DMD: variants seen among roughly 807,000 people sequenced by gnomAD.
The protein encoded by DMD is dystrophin.
DMD carries 63 observed loss-of-function variants against 330.1 expected under a neutral mutation model. That is an observed-to-expected ratio of 0.19 (90% CI 0.16 to 0.24). The LOEUF (loss-of-function observed/expected upper bound fraction) is 0.24, where lower values mean the gene tolerates loss of function less well. DMD is among the 10% of genes least tolerant of loss of function. The pLI is 1.00. For synonymous variants in DMD, 1,223 were observed against 959.8 expected (o/e 1.27, Z -5.07); for missense variants, 3,344 against 2,684.1 (o/e 1.25, Z -5.43).
chrX:32,545,826 T>G (rs889235605), intron 16 of DMD, among the ~76,000 whole-genome samples: 1 of 111,326 alleles, frequency 9.0e-6, no homozygotes, highest in Non-Finnish European at 1.9e-5. Flanking sequence ...TTATTTCAAC[T>G]TGGTAATGAA....
At chrX:31,133,322 C>A (rs113797136) in intron 77 of DMD, among the ~76,000 whole-genome samples, 1 of 111,070 alleles carries the variant, frequency 9.0e-6, no homozygotes, top group African/African-American at 3.3e-5. Context: ...TGAAGGAAGG[C>A]GAGAGAGTGA....
chrX:33,219,054 G>C (rs1440619343), intron 1 of DMD, among the ~76,000 whole-genome samples: 11 of 111,546 alleles, frequency 9.9e-5, no homozygotes, highest in Non-Finnish European at 2.1e-4. Flanking sequence ...TAATATCCTT[G>C]CTAGATAATT....
chrX:31,637,044 A>G (rs186756661), intron 54 of DMD, among the ~76,000 whole-genome samples: 50 of 112,398 alleles, frequency 4.4e-4, no homozygotes, highest in South Asian at 1.4e-3. Context: ...AATTTCTAAC[A>G]TGAAAATAAA....
At chrX:32,603,143 A>G (rs749458986) in intron 12 of DMD, among the ~76,000 whole-genome samples, 5 of 111,192 alleles carry the variant, frequency 4.5e-5, no homozygotes, top group Non-Finnish European at 9.5e-5. Flanking sequence ...ACATTTTTAA[A>G]AAAATCAAAA....
At chrX:32,033,482 T>C (rs990568941) in intron 44 of DMD, among the ~76,000 whole-genome samples, 1 of 109,368 alleles carries the variant, frequency 9.1e-6, no homozygotes. Flanking sequence ...CTCATTCCAG[T>C]ACAAAACTCT....
intron 54 of DMD, among the ~76,000 whole-genome samples, chrX:31,645,291 G>A (rs2080018993): frequency 9.1e-6 from 1 of 109,868 alleles, no homozygotes; most frequent in African/African-American, 3.4e-5. Context: ...CTTGTGGGAA[G>A]TCTCAGGAAA....
chrX:32,212,376 A>T (rs941702071), intron 44 of DMD, among the ~76,000 whole-genome samples: 2 of 112,160 alleles, frequency 1.8e-5, no homozygotes, highest in African/African-American at 6.5e-5. Context: ...ATCACTTATA[A>T]AGAGTGATTA....
chrX:32,418,505 C>T (rs2098175233), intron 29 of DMD, among the ~76,000 whole-genome samples: 2 of 111,747 alleles, frequency 1.8e-5, no homozygotes, highest in Non-Finnish European at 3.8e-5. Flanking sequence ...TACCAACATA[C>T]ATGAATATAA....
At chrX:32,749,725 A>C (rs2070552101) in intron 7 of DMD, among the ~76,000 whole-genome samples, 1 of 112,426 alleles carries the variant, frequency 8.9e-6, no homozygotes, top group East Asian at 2.8e-4. Context: ...TAATCTCTTT[A>C]AGACTCTGAT....
intron 61 of DMD, among the ~76,000 whole-genome samples, chrX:31,342,777 T>A (rs946962715): frequency 2.2e-4 from 25 of 111,347 alleles, no homozygotes; most frequent in East Asian, 2.8e-4. Context: ...TCAGGAAAAA[T>A]CTTTAAATTC....
intron 11 of DMD, among the ~76,000 whole-genome samples, chrX:32,636,630 A>G (rs1346943874): frequency 8.9e-6 from 1 of 111,862 alleles, no homozygotes; most frequent in African/African-American, 3.3e-5. Context: ...ATGCAAACAC[A>G]TTTATTTTCA....
intron 54 of DMD, among the ~76,000 whole-genome samples, chrX:31,631,581 T>C (rs1034592179): frequency 2.7e-5 from 3 of 111,152 alleles, no homozygotes; most frequent in African/African-American, 9.8e-5. Context: ...TAGTTGTGAC[T>C]GTATGGTAGC....
At chrX:32,956,114 C>T (rs1282834587) in intron 2 of DMD, among the ~76,000 whole-genome samples, 1 of 108,122 alleles carries the variant, frequency 9.2e-6, no homozygotes, top group Non-Finnish European at 1.9e-5. Flanking sequence ...AGCATTGACT[C>T]TAATAAATTG....
chrX:32,751,211 T>C (rs1430708280), intron 7 of DMD, among the ~76,000 whole-genome samples: 1 of 111,174 alleles, frequency 9.0e-6, no homozygotes, highest in Non-Finnish European at 1.9e-5. Context: ...TGCAACAGTT[T>C]GAGAGCTCAG....
intron 44 of DMD, among the ~76,000 whole-genome samples, chrX:32,042,208 C>G (rs867601382): frequency 3.0e-5 from 3 of 99,901 alleles, no homozygotes; most frequent in Non-Finnish European, 6.1e-5. Flanking sequence ...CACACACATA[C>G]ACATACACAC....
chrX:32,883,846 A>AAGAAAAG (rs1557113665), intron 2 of DMD, among the ~76,000 whole-genome samples: 73 of 101,965 alleles, frequency 7.2e-4, no homozygotes, highest in African/African-American at 2.5e-3. Context: ...AAAAAAAAAA[A>AAGAAAAG]AAAAAGAAAA....
At chrX:31,398,724 G>A (rs1039917070) in intron 60 of DMD, among the ~76,000 whole-genome samples, 6 of 112,322 alleles carry the variant, frequency 5.3e-5, no homozygotes, top group African/African-American at 1.9e-4. Context: ...TACAACCACA[G>A]TGCCTACAGC....
intron 16 of DMD, among the ~76,000 whole-genome samples, chrX:32,549,429 T>C (rs1485992987): frequency 8.9e-6 from 1 of 111,886 alleles, no homozygotes; most frequent in South Asian, 3.7e-4. Context: ...CTTGAAATTC[T>C]TAGGTCTTGA....
In DMD at chrX:32,735,320, C is replaced by G. The variant is rs775943395; in HGVS notation, c.650-36027G>C. 4.5e-5 allele frequency among the ~76,000 whole-genome samples: 5 copies of G among 110,215 alleles called. No homozygotes were observed. The East Asian group carries it at 1.4e-3, about 32-fold the overall frequency. ...GCTCATGGGTAGGAAGAATCAATATCGTGAAAATGGCCATACTGCCCAAGG... is the reference window on the plus strand; with the variant it reads ...GCTCATGGGTAGGAAGAATCAATATGGTGAAAATGGCCATACTGCCCAAGG... On this transcript the variant is annotated intron_variant, in intron 7 of 78. Coordinates refer to ENST00000357033, the MANE Select transcript of DMD (RefSeq NM_004006.3).
Sources: gnomAD v4.1 joint callset for allele counts (sites outside exome capture counted in the v4.1 genomes callset) on GRCh38, gnomAD v4.1.1 for gene constraint, MANE v1.5 for transcripts, NCBI Gene and HGNC (gene_info 2026-07-23, HGNC 2026-07-21) for gene names.